Variants in NTRK3 observed in about 807,000 individuals in gnomAD.
NTRK3 encodes NT-3 growth factor receptor.
Under a neutral mutation model 91.7 loss-of-function variants are expected in NTRK3, and 24 were observed. The ratio of observed to expected loss-of-function variants is 0.26; its 90% confidence interval spans 0.19 to 0.37. The LOEUF (loss-of-function observed/expected upper bound fraction) is 0.37. Among genes scored for constraint, NTRK3 ranks in the 10% least tolerant of loss-of-function variants. The pLI is 1.00. For missense variants in NTRK3, 880 were observed against 1,068.9 expected, an observed-to-expected ratio of 0.82 and a Z score of 2.46; for synonymous variants, 483 against 404.0, an observed-to-expected ratio of 1.20 and a Z score of -2.34.
rs886146523 is a variant in NTRK3 at position 87,925,670 on chromosome 15, C to CA, written c.2133+3520dup. On this transcript the variant is annotated intron_variant, in intron 17 of 18. Transcript: ENST00000394480. ...AAGGCCTTAGCCGATGTATACTGAA[C>CA]AAAAAAGTTTTACACAAATCACCCA... The CA allele has an allele frequency of 2.1e-5, 4 of 193,430 alleles. No individual in the cohort carries two copies. In the Admixed American group the frequency reaches 2.4e-4, roughly 12 times the overall value. The allele number at this position is 193,430 out of a possible 1,614,324, so 12.0% of individuals were successfully genotyped here.
intron 13 of NTRK3, chr15:88,098,501 GC>G (rs1264246381): frequency 2.8e-5 from 6 of 216,662 alleles, no homozygotes; most frequent in Non-Finnish European, 5.6e-5. Flanking sequence ...AAGGATAACA[GC>G]AACCTGGGTG....
At chr15:88,206,209 G>A (rs532504593) in intron 3 of NTRK3, among the ~76,000 whole-genome samples, 1 of 149,982 alleles carries the variant, frequency 6.7e-6, no homozygotes, top group South Asian at 2.1e-4. Flanking sequence ...GCCGGGCGAG[G>A]TGGCGGGCAC....
At chr15:87,964,309 T>C (rs2072591244) in intron 14 of NTRK3, among the ~76,000 whole-genome samples, 1 of 151,914 alleles carries the variant, frequency 6.6e-6, no homozygotes, top group African/African-American at 2.4e-5. Flanking sequence ...TAGATCAATC[T>C]GTAGCAGTAA....
At chr15:88,197,425 C>T (rs1451730601) in intron 3 of NTRK3, among the ~76,000 whole-genome samples, 1 of 152,198 alleles carries the variant, frequency 6.6e-6, no homozygotes, top group Non-Finnish European at 1.5e-5. Flanking sequence ...ACAAAGATGA[C>T]ATCGATCATG....
At chr15:88,248,499 A>G (rs1289700340) in intron 3 of NTRK3, among the ~76,000 whole-genome samples, 1 of 145,628 alleles carries the variant, frequency 6.9e-6, no homozygotes, top group Admixed American at 7.1e-5. Context: ...TTTATTTTTA[A>G]CTTAATAGTA....
intron 14 of NTRK3, among the ~76,000 whole-genome samples, chr15:87,950,400 G>A (rs919903530): frequency 1.3e-5 from 2 of 152,172 alleles, no homozygotes. Flanking sequence ...GGCAGAATAA[G>A]GAGAAAGAGC....
At chr15:88,079,809 C>T (rs183604227) in intron 13 of NTRK3, among the ~76,000 whole-genome samples, 38 of 152,054 alleles carry the variant, frequency 2.5e-4, no homozygotes, top group African/African-American at 8.9e-4. Flanking sequence ...TTGAAGATGG[C>T]GAAAGAAAAG....
chr15:87,929,433 C>T (rs56300182), exon 17 of NTRK3: 331 of 1,613,814 alleles, frequency 2.1e-4, no homozygotes, highest in Non-Finnish European at 2.6e-4. Context: ...GGCCCATGGG[C>T]CCTGCAAGAG....
intron 17 of NTRK3, among the ~76,000 whole-genome samples, chr15:87,900,946 G>T (rs774832036): frequency 3.3e-5 from 5 of 152,160 alleles, no homozygotes; most frequent in Non-Finnish European, 5.9e-5. Flanking sequence ...ATCTTTGGAT[G>T]CCCCTCCTGG....
chr15:87,990,026 T>C (rs17754042), intron 14 of NTRK3, among the ~76,000 whole-genome samples: 37,122 of 152,164 alleles, frequency 0.24, 4,951 homozygotes, highest in South Asian at 0.41. Flanking sequence ...GCTGCTGTTG[T>C]TGTTACCTCC....
At chr15:88,232,897 A>T (rs979327798) in intron 3 of NTRK3, among the ~76,000 whole-genome samples, 7 of 152,106 alleles carry the variant, frequency 4.6e-5, no homozygotes, top group Non-Finnish European at 8.8e-5. Context: ...CCAGGAACCC[A>T]TCCCCCAGCC....
At chr15:87,907,120 T>C (rs1249251502) in intron 17 of NTRK3, among the ~76,000 whole-genome samples, 1 of 152,220 alleles carries the variant, frequency 6.6e-6, no homozygotes, top group Non-Finnish European at 1.5e-5. Flanking sequence ...ATTAAATGTT[T>C]GTTGAAATTA....
exon 17 of NTRK3, chr15:87,929,194 G>A (rs2141908918): frequency 6.2e-7 from 1 of 1,614,180 alleles, no homozygotes; most frequent in South Asian, 1.1e-5. Context: ...ACTTTACCCT[G>A]TAATAATCCG....
chr15:88,185,979 C>T (rs2046910106), intron 3 of NTRK3, among the ~76,000 whole-genome samples: 1 of 152,206 alleles, frequency 6.6e-6, no homozygotes, highest in Non-Finnish European at 1.5e-5. Context: ...ATTCCAATGC[C>T]AAAGTTCTCC....
intron 13 of NTRK3, among the ~76,000 whole-genome samples, chr15:88,055,606 G>C (rs1339949435): frequency 1.3e-5 from 2 of 151,988 alleles, no homozygotes; most frequent in Non-Finnish European, 2.9e-5. Flanking sequence ...ATCACTCTCT[G>C]ACATAGATAA....
intron 14 of NTRK3, among the ~76,000 whole-genome samples, chr15:88,004,032 G>A (rs1267840697): frequency 6.6e-6 from 1 of 151,918 alleles, no homozygotes; most frequent in Non-Finnish European, 1.5e-5. Context: ...CCTCTCTCTT[G>A]GTCTAACTGG....
chr15:88,209,865 G>A (rs1005211911), intron 3 of NTRK3: 1 of 152,280 alleles, frequency 6.6e-6, no homozygotes, highest in African/African-American at 2.4e-5. Context: ...GGTCAGGCCT[G>A]AAGGGCAGGG....
Position 88,243,855 on chromosome 15 carries a change from C to T in NTRK3, c.248+12051G>A, listed in dbSNP as rs1038233995. Reference sequence around the variant, plus strand: ...CATGTGGTTTCTCCAGTTGTGACTTCGTACTGTGGGCCCCAGCAAGAAACA... The same window carrying T: ...CATGTGGTTTCTCCAGTTGTGACTTTGTACTGTGGGCCCCAGCAAGAAACA... On this transcript the variant is annotated intron_variant, in intron 3 of 18. Transcript: ENST00000394480. The surrounding 1 kb of genome is among the most constrained non-coding windows in gnomAD (Gnocchi z 4.8). 1.3e-5 allele frequency among the ~76,000 whole-genome samples: 2 copies of T among 152,254 alleles called. No individual in the cohort carries two copies. The highest frequency in any genetic ancestry group is 2.9e-5 in the Non-Finnish European group (2 of 68,030).
chr15:88,074,972 C>T (rs553864055), intron 13 of NTRK3, among the ~76,000 whole-genome samples: 1 of 152,310 alleles, frequency 6.6e-6, no homozygotes, highest in African/African-American at 2.4e-5. Context: ...GCACCCTTTT[C>T]CCCTTACACC....
Sources: gnomAD v4.1 joint callset for allele counts (sites outside exome capture counted in the v4.1 genomes callset) on GRCh38, gnomAD v4.1.1 for gene constraint, Gnocchi (gnomAD v3.1) non-coding constraint, MANE v1.5 for transcripts, NCBI Gene and HGNC (gene_info 2026-07-23, HGNC 2026-07-21) for gene names.